Variants in SCAPER observed in about 807,000 individuals in gnomAD.
SCAPER encodes S phase cyclin A-associated protein in the endoplasmic reticulum.
In SCAPER, 98 loss-of-function variants were observed where a neutral mutation model predicts 182.2. That is an observed-to-expected ratio of 0.54 (90% CI 0.46 to 0.64). SCAPER has a LOEUF of 0.64. Ranked by LOEUF, SCAPER falls within the 30% of genes least tolerant of loss-of-function variation. The pLI, the probability that SCAPER is intolerant of heterozygous loss-of-function variation, is 0.00. For synonymous variants in SCAPER, 605 were observed against 564.6 expected (o/e 1.07, Z -1.01); for missense variants, 1,432 against 1,690.0 (o/e 0.85, Z 2.68).
intron 21 of SCAPER, among the ~76,000 whole-genome samples, chr15:76,647,883 T>C (rs897716745): frequency 1.3e-5 from 2 of 152,140 alleles, no homozygotes; most frequent in African/African-American, 4.8e-5. Context: ...GCCCTAGGAT[T>C]AAAGGTTACT....
chr15:76,862,287 G>GT (rs773176442), intron 3 of SCAPER, 129 bp downstream of exon 3: 2 of 543,754 alleles, frequency 3.7e-6, no homozygotes, highest in Non-Finnish European at 6.4e-6. Flanking sequence ...CAACAAAAAA[G>GT]TATTTCTTAT....
At chr15:76,794,593 T>C (rs1368689153) in intron 8 of SCAPER, among the ~76,000 whole-genome samples, 1 of 152,190 alleles carries the variant, frequency 6.6e-6, no homozygotes, top group Non-Finnish European at 1.5e-5. Flanking sequence ...ACCGAAAAGT[T>C]CCAATGGCAT....
At chr15:76,579,882 CA>C (rs1213714357) in intron 22 of SCAPER, among the ~76,000 whole-genome samples, 14 of 151,874 alleles carry the variant, frequency 9.2e-5, no homozygotes, top group Admixed American at 9.2e-4. Flanking sequence ...ATACTTATGT[CA>C]GAAAAAATAC....
intron 5 of SCAPER, among the ~76,000 whole-genome samples, chr15:76,841,504 A>G (rs1439845036): frequency 6.6e-5 from 10 of 152,006 alleles, no homozygotes; most frequent in Non-Finnish European, 1.5e-4. Context: ...AAAATTAGCC[A>G]GGTGTGGTGG....
Position 76,368,382 on chromosome 15 carries a change from G to C in SCAPER, c.3855+7780C>G, listed in dbSNP as rs551197113. On this transcript the variant is annotated intron_variant, in intron 29 of 31. Coordinates refer to ENST00000563290, the MANE Select transcript of SCAPER (RefSeq NM_020843.4). ...CTAGGAAACCACTCCTTATTTCTGTGCGTGGGGAAACACCCGAGGTGAGTA... is the reference window on the plus strand; with the variant it reads ...CTAGGAAACCACTCCTTATTTCTGTCCGTGGGGAAACACCCGAGGTGAGTA... 2.6e-5 allele frequency among the ~76,000 whole-genome samples: 4 copies of C among 152,372 alleles called. 1 individual carries two copies. Among genetic ancestry groups the C allele is most frequent in the African/African-American group, 9.6e-5 (4 of 41,596 alleles).
intron 23 of SCAPER, among the ~76,000 whole-genome samples, chr15:76,530,549 G>C (rs2043568921): frequency 6.6e-6 from 1 of 152,110 alleles, no homozygotes; most frequent in Non-Finnish European, 1.5e-5. Flanking sequence ...AGGCACTATG[G>C]GAAATTTATT....
intron 4 of SCAPER, among the ~76,000 whole-genome samples, chr15:76,850,638 G>A (rs966437395): frequency 1.3e-5 from 2 of 151,936 alleles, no homozygotes; most frequent in Admixed American, 6.6e-5. Flanking sequence ...AGGAAGGAGG[G>A]TCACCTGAGG....
At chr15:76,419,366 T>C (rs1034739929) in intron 26 of SCAPER, among the ~76,000 whole-genome samples, 2 of 147,850 alleles carry the variant, frequency 1.4e-5, no homozygotes, top group East Asian at 4.0e-4. Context: ...GAAAAAAAAG[T>C]CCAGGATCTT....
At position 76,621,773 on chromosome 15, in the gene SCAPER, T is replaced by A. The variant is rs777476826; in HGVS notation, c.2702A>T (p.Tyr901Phe). The A allele has an allele frequency of 3.7e-6, 6 of 1,606,750 alleles. No individual in the cohort carries two copies. The African/African-American group carries it at 8.0e-5, about 21-fold the overall frequency. Reference protein sequence around the residue: ...ETKNSGSDSPYKAKLQRLAKD... With the variant: ...ETKNSGSDSPFKAKLQRLAKD... ...AATGTGGAATACTCACTTTGCTTTA[T>A]AAGGTGAATCAGAGCCAGAATTTTT... is the stretch of plus-strand genomic sequence containing the variant. The change falls in exon 22 of 32, where the codon TAT (tyrosine) becomes TTT (phenylalanine). Residue 901 changes from tyrosine (Y) to phenylalanine (F), a missense_variant. This residue lies in a region of SCAPER where 718 missense variants were observed against 799.7 expected (regional missense o/e 0.90). Transcript: ENST00000563290.
At chr15:76,480,863 T>C (rs8026220) in intron 24 of SCAPER, among the ~76,000 whole-genome samples, 82 of 152,208 alleles carry the variant, frequency 5.4e-4, no homozygotes, top group African/African-American at 1.8e-3. Context: ...CCCTAGTAGC[T>C]GGGACGACAG....
At chr15:76,817,690 A>T (rs770060023) in intron 5 of SCAPER, among the ~76,000 whole-genome samples, 1 of 152,212 alleles carries the variant, frequency 6.6e-6, no homozygotes, top group African/African-American at 2.4e-5. Flanking sequence ...AATATATATA[A>T]CAAATATATA....
At chr15:76,637,408 G>C (rs542962351) in intron 21 of SCAPER, among the ~76,000 whole-genome samples, 1 of 151,954 alleles carries the variant, frequency 6.6e-6, no homozygotes, top group Admixed American at 6.6e-5. Flanking sequence ...TCTTGTTACC[G>C]TCTTTTTAAA....
chr15:76,775,710 TTAGGATAAAATTA>T (rs2063708567), intron 8 of SCAPER, among the ~76,000 whole-genome samples: 2 of 152,120 alleles, frequency 1.3e-5, no homozygotes, highest in African/African-American at 4.8e-5. Flanking sequence ...TAAACTATTT[TTAGGATAAAATTA>T]TAGGATATTA....
At chr15:76,475,895 T>A (rs545462430) in intron 24 of SCAPER, among the ~76,000 whole-genome samples, 1 of 152,300 alleles carries the variant, frequency 6.6e-6, no homozygotes, top group South Asian at 2.1e-4. Flanking sequence ...AGTACAATTA[T>A]GCCAAAACAA....
intron 26 of SCAPER, among the ~76,000 whole-genome samples, chr15:76,418,677 G>C (rs1181246355): frequency 6.6e-6 from 1 of 152,240 alleles, no homozygotes; most frequent in Non-Finnish European, 1.5e-5. Flanking sequence ...TCCTAGGCCA[G>C]ACAAAATTAC....
intron 20 of SCAPER, among the ~76,000 whole-genome samples, chr15:76,684,391 C>T (rs879343751): frequency 7.2e-5 from 11 of 152,086 alleles, no homozygotes; most frequent in Non-Finnish European, 1.3e-4. Context: ...GTGATGGATA[C>T]CCCAATTACT....
In SCAPER at chr15:76,485,339, A is replaced by G. The variant is rs548043087; in HGVS notation, c.2955-14004T>C. 7.2e-5 allele frequency among the ~76,000 whole-genome samples: 11 copies of G among 152,330 alleles called. 1 individual carries two copies. The East Asian group carries it at 1.5e-3, about 21-fold the overall frequency. Reference sequence around the variant, plus strand: ...ATACAGCTAACTAGGGAGGTAAAAGATCTCTACAAGGAGAACTACAAAACA... The same window carrying G: ...ATACAGCTAACTAGGGAGGTAAAAGGTCTCTACAAGGAGAACTACAAAACA... On this transcript the variant is annotated intron_variant, in intron 24 of 31. Coordinates refer to ENST00000563290, the MANE Select transcript of SCAPER (RefSeq NM_020843.4).
At chr15:76,720,127 T>A (rs1434189314) in intron 17 of SCAPER, among the ~76,000 whole-genome samples, 5 of 139,100 alleles carry the variant, frequency 3.6e-5, no homozygotes, top group Non-Finnish European at 7.7e-5. Context: ...CCCCTTCCTG[T>A]GTCCATGCGT....
intron 24 of SCAPER, among the ~76,000 whole-genome samples, chr15:76,501,764 T>A (rs1396074356): frequency 6.6e-6 from 1 of 152,124 alleles, no homozygotes; most frequent in Non-Finnish European, 1.5e-5. Flanking sequence ...CCGCTAGGGA[T>A]GGAAAGATTC....
Sources: allele counts gnomAD v4.1 joint callset (sites outside exome capture counted in the v4.1 genomes callset), GRCh38; gene constraint gnomAD v4.1.1; regional missense constraint gnomAD v4.1.1; transcripts MANE v1.5; gene names NCBI Gene and HGNC (gene_info 2026-07-23, HGNC 2026-07-21).